The following HECW2 variants were observed in gnomAD, a reference collection of about 807,000 sequenced individuals.
The protein encoded by HECW2 is E3 ubiquitin-protein ligase HECW2.
In HECW2, 61 loss-of-function variants were observed where a neutral mutation model predicts 175.2. That is an observed-to-expected ratio of 0.35 (90% CI 0.28 to 0.43). The LOEUF is 0.43. HECW2 is among the 20% of genes least tolerant of loss of function. The pLI is 1.00. For synonymous variants in HECW2, 671 were observed against 731.0 expected (o/e 0.92, Z 1.32); for missense variants, 1,524 against 2,000.5 (o/e 0.76, Z 4.54).
rs907587228 is a variant in HECW2, at chr2:196,247,001, G to A, written c.3530-4797C>T. On this transcript the variant is annotated intron_variant, in intron 19 of 28. Transcript: ENST00000644978. ...AAATTGGCTGGGTACGGTGGCTCAC[G>A]CCTGTAATCCCATCACTTTGGGAGG... 1.1e-4 allele frequency among the ~76,000 whole-genome samples: 17 copies of A among 152,166 alleles called. No homozygotes were observed. In the East Asian group the frequency reaches 2.7e-3, roughly 24 times the overall value.
At chr2:196,307,845 C>A in intron 11 of HECW2, 90 bp downstream of exon 11, 1 of 1,238,794 alleles carries the variant, frequency 8.1e-7, no homozygotes. Context: ...ACACAAAGAT[C>A]AAAGAGACAA....
chr2:196,462,760 C>T lies in HECW2; in HGVS notation c.-35-29302G>A, dbSNP rs113155165. Among the ~76,000 whole-genome samples, 535 of 151,822 alleles carry T rather than the reference C, an allele frequency of 3.5e-3. 2 individuals carry two copies. Among genetic ancestry groups the T allele is most frequent in the Non-Finnish European group, 6.1e-3 (414 of 67,978 alleles). The stretch of plus-strand genomic sequence containing the variant: ...TAACAATTCTGAGTAATCTTGGACA[C>T]AAGTCAGGTCAAAACAACTGTACTT... On this transcript the variant is annotated intron_variant, in intron 1 of 28. Transcript: ENST00000644978.
intron 2 of HECW2, among the ~76,000 whole-genome samples, chr2:196,430,735 A>C (rs938196652): frequency 1.1e-4 from 16 of 152,332 alleles, no homozygotes; most frequent in African/African-American, 2.9e-4. Context: ...GAAATTATCA[A>C]ATTTGAATAT....
In HECW2 at chr2:196,487,570, AT is replaced by A. The variant is rs1687051793; in HGVS notation, c.-35-54113del. Among the ~76,000 whole-genome samples the A allele has an allele frequency of 2.6e-5, 4 of 152,108 alleles. No homozygotes were observed. In the South Asian group the frequency reaches 8.3e-4, roughly 32 times the overall value. Reference sequence around the variant, plus strand: ...CACACCCCACTCTCCAGGGAAAGAAATTGGCCTATTTGGTCACAGCACCAGC... The same window carrying A: ...CACACCCCACTCTCCAGGGAAAGAAATGGCCTATTTGGTCACAGCACCAGC... On this transcript the variant is annotated intron_variant, in intron 1 of 28. Coordinates refer to ENST00000644978, the MANE Select transcript of HECW2 (RefSeq NM_001348768.2).
chr2:196,456,100 T>G (rs1272238599), intron 1 of HECW2, among the ~76,000 whole-genome samples: 1 of 152,164 alleles, frequency 6.6e-6, no homozygotes, highest in Non-Finnish European at 1.5e-5. Flanking sequence ...GTCTTTAATA[T>G]AAATCATGCC....
intron 23 of HECW2, among the ~76,000 whole-genome samples, chr2:196,222,937 CT>C (rs1197359521): frequency 3.9e-5 from 6 of 152,152 alleles, no homozygotes; most frequent in Admixed American, 6.5e-5. Flanking sequence ...TTTTCCCCCA[CT>C]TTTTTTAATT....
intron 1 of HECW2, among the ~76,000 whole-genome samples, chr2:196,529,313 T>C (rs1688768317): frequency 6.6e-6 from 1 of 152,188 alleles, no homozygotes; most frequent in African/African-American, 2.4e-5. Context: ...CTTTGGTAAG[T>C]GACTCAATTT....
intron 18 of HECW2, among the ~76,000 whole-genome samples, chr2:196,255,030 T>C (rs1052405519): frequency 2.0e-5 from 3 of 150,614 alleles, no homozygotes; most frequent in Non-Finnish European, 4.4e-5. Flanking sequence ...TGGAGCGCAG[T>C]GGCACAATGT....
intron 2 of HECW2, among the ~76,000 whole-genome samples, chr2:196,427,614 T>G (rs1695586057): frequency 6.6e-6 from 1 of 152,162 alleles, no homozygotes; most frequent in South Asian, 2.1e-4. Flanking sequence ...TTTGGTGCAC[T>G]TAGGAGGAGG....
chr2:196,334,298 T>C, intron 4 of HECW2, 126 bp downstream of exon 4: 1 of 671,132 alleles, frequency 1.5e-6, no homozygotes, highest in Non-Finnish European at 2.6e-6. Flanking sequence ...CCTATAACAG[T>C]GCCCACACTG....
chr2:196,474,311 A>T (rs1324707585), intron 1 of HECW2, among the ~76,000 whole-genome samples: 1 of 152,228 alleles, frequency 6.6e-6, no homozygotes, highest in Non-Finnish European at 1.5e-5. Context: ...TCAATTTAAC[A>T]ATGAGCAGAT....
At chr2:196,456,861 T>C (rs1028660312) in intron 1 of HECW2, among the ~76,000 whole-genome samples, 1 of 152,230 alleles carries the variant, frequency 6.6e-6, no homozygotes, top group East Asian at 1.9e-4. Flanking sequence ...CAGTAAAAGA[T>C]GCTACAAATT....
intron 2 of HECW2, among the ~76,000 whole-genome samples, chr2:196,389,673 A>G (rs986588813): frequency 2.0e-5 from 3 of 152,176 alleles, no homozygotes; most frequent in African/African-American, 7.2e-5. Flanking sequence ...GACTAAATTG[A>G]CTAAGAAAGG....
intron 1 of HECW2, among the ~76,000 whole-genome samples, chr2:196,470,983 G>A (rs1697172405): frequency 6.6e-6 from 1 of 150,466 alleles, no homozygotes; most frequent in Non-Finnish European, 1.5e-5. Flanking sequence ...AAGCCACAAT[G>A]CGATATTATT....
chr2:196,574,344 T>G (rs1386522795), intron 1 of HECW2, among the ~76,000 whole-genome samples: 1 of 151,780 alleles, frequency 6.6e-6, no homozygotes, highest in Admixed American at 6.6e-5. Flanking sequence ...GCAGGAGAAT[T>G]GCCTGAACTC....
At chr2:196,531,593 C>T (rs916038474) in intron 1 of HECW2, among the ~76,000 whole-genome samples, 4 of 150,068 alleles carry the variant, frequency 2.7e-5, no homozygotes, top group Non-Finnish European at 5.9e-5. Context: ...ACCCGGTAAG[C>T]GGAGGTTGCA....
At chr2:196,210,677 G>C (rs1687250879) in intron 28 of HECW2, among the ~76,000 whole-genome samples, 1 of 151,752 alleles carries the variant, frequency 6.6e-6, no homozygotes, top group Non-Finnish European at 1.5e-5. Context: ...GCAGTGGCAT[G>C]ATCTTGGCTC....
rs569103419 is a variant in HECW2, at chr2:196,517,551, G to A, written c.-36+75957C>T. Among the ~76,000 whole-genome samples, 40 of 151,662 alleles carry A rather than the reference G, an allele frequency of 2.6e-4. No homozygotes were observed. In the South Asian group the frequency reaches 8.6e-3, roughly 32 times the overall value. On this transcript the variant is annotated intron_variant, in intron 1 of 28. Coordinates refer to ENST00000644978, the MANE Select transcript of HECW2 (RefSeq NM_001348768.2). ...TAATCTCCCATTTTAACAAAGAACA[G>A]ACATTTAGCTTAGAGCCTTTGGCAA...
chr2:196,209,808 G>A (rs1374100927), intron 28 of HECW2, among the ~76,000 whole-genome samples: 16 of 149,368 alleles, frequency 1.1e-4, no homozygotes, highest in East Asian at 5.9e-4. Context: ...CTGTCGCCCA[G>A]GCTGGAGCGC....
Sources: gnomAD v4.1 joint callset for allele counts (sites outside exome capture counted in the v4.1 genomes callset) on GRCh38, gnomAD v4.1.1 for gene constraint, MANE v1.5 for transcripts, NCBI Gene and HGNC (gene_info 2026-07-23, HGNC 2026-07-21) for gene names.